Variants in SEMA5A observed in about 807,000 individuals in gnomAD.
The protein encoded by SEMA5A is semaphorin-5A.
Under a neutral mutation model 135.5 loss-of-function variants are expected in SEMA5A, and 55 were observed. The ratio of observed to expected loss-of-function variants is 0.41; its 90% CI spans 0.33 to 0.51. The LOEUF (loss-of-function observed/expected upper bound fraction) is 0.51. Ranked by LOEUF, SEMA5A falls within the 20% of genes least tolerant of loss-of-function variation. The probability of loss-of-function intolerance (pLI) is 0.37; values close to 1 mark genes in which losing one functional copy is unlikely to be tolerated. For synonymous variants in SEMA5A, 580 were observed against 546.5 expected, an observed-to-expected ratio of 1.06 and a Z score of -0.85; for missense variants, 1,290 against 1,419.9, an observed-to-expected ratio of 0.91 and a Z score of 1.47.
At chr5:9,371,651 A>G (rs1187683513) in intron 3 of SEMA5A, among the ~76,000 whole-genome samples, 2 of 152,242 alleles carry the variant, frequency 1.3e-5, no homozygotes, top group Admixed American at 6.5e-5. Flanking sequence ...CAAATAGATT[A>G]AAATATTTTG....
At chr5:9,234,755 T>G (rs1253202170) in intron 6 of SEMA5A, among the ~76,000 whole-genome samples, 1 of 152,220 alleles carries the variant, frequency 6.6e-6, no homozygotes, top group East Asian at 1.9e-4. Flanking sequence ...GATTTCCCAT[T>G]ATTTTTAATC....
At chr5:9,104,402 T>G (rs1357075492) in intron 16 of SEMA5A, among the ~76,000 whole-genome samples, 1 of 152,186 alleles carries the variant, frequency 6.6e-6, no homozygotes, top group Non-Finnish European at 1.5e-5. Context: ...TAACTTAATT[T>G]CAATATTTAA....
chr5:9,433,836 C>A (rs1480257686), intron 2 of SEMA5A, among the ~76,000 whole-genome samples: 1 of 152,084 alleles, frequency 6.6e-6, no homozygotes, highest in African/African-American at 2.4e-5. Context: ...GTATAAATAT[C>A]TACAATACTT....
chr5:9,214,635 G>T (rs2150394336), intron 8 of SEMA5A, among the ~76,000 whole-genome samples: 2 of 152,286 alleles, frequency 1.3e-5, no homozygotes, highest in African/African-American at 4.8e-5. Flanking sequence ...CCATGGAAAA[G>T]CCAGTATCAT....
chr5:9,384,074 C>T (rs1755725758), intron 2 of SEMA5A, among the ~76,000 whole-genome samples: 1 of 152,098 alleles, frequency 6.6e-6, no homozygotes, highest in Non-Finnish European at 1.5e-5. Context: ...CAACATAGTA[C>T]CTTTTTTCTT....
At chr5:9,144,750 T>A (rs537318547) in intron 12 of SEMA5A, among the ~76,000 whole-genome samples, 1 of 152,282 alleles carries the variant, frequency 6.6e-6, no homozygotes, top group African/African-American at 2.4e-5. Flanking sequence ...GGACAGATGC[T>A]CCCGCTGCTT....
In SEMA5A at chr5:9,040,670, A is replaced by C. The variant is rs1735910958; in HGVS notation, c.*2227T>G. 1 of 152,172 alleles carries C rather than the reference A, an allele frequency of 6.6e-6. No individual in the cohort carries two copies. The highest frequency in any genetic ancestry group is 2.1e-4 in the South Asian group (1 of 4,830). 9.4% of individuals were successfully genotyped at this position (152,172 alleles called of 1,614,324 possible). ...TGTTTATATTATTAACAACATGAAG[A>C]TCCTGTAGTGAGGGAGGGTGTTTTT... On this transcript the variant is annotated 3_prime_UTR_variant, in exon 23 of 23. Transcript: ENST00000382496.
At chr5:9,088,211 G>T (rs1349413782) in intron 16 of SEMA5A, among the ~76,000 whole-genome samples, 1 of 151,578 alleles carries the variant, frequency 6.6e-6, no homozygotes, top group Non-Finnish European at 1.5e-5. Flanking sequence ...GGCTGAGGCA[G>T]GAGAATCCCT....
At chr5:9,283,873 C>G (rs1475499748) in intron 5 of SEMA5A, among the ~76,000 whole-genome samples, 1 of 152,116 alleles carries the variant, frequency 6.6e-6, no homozygotes, top group Non-Finnish European at 1.5e-5. Context: ...AGTGACTGTT[C>G]CCAAACTTCA....
At chr5:9,425,646 G>A (rs1008002624) in intron 2 of SEMA5A, among the ~76,000 whole-genome samples, 1 of 152,152 alleles carries the variant, frequency 6.6e-6, no homozygotes, top group African/African-American at 2.4e-5. Flanking sequence ...TTTTCTGCAA[G>A]GAAATTACAC....
intron 4 of SEMA5A, among the ~76,000 whole-genome samples, chr5:9,330,286 A>G (rs1481486523): frequency 6.6e-6 from 1 of 151,648 alleles, no homozygotes; most frequent in African/African-American, 2.4e-5. Context: ...GCTACTCGGG[A>G]GGCTGAGGCA....
chr5:9,508,232 T>C (rs1047111030), intron 1 of SEMA5A, among the ~76,000 whole-genome samples: 8 of 152,142 alleles, frequency 5.3e-5, no homozygotes, highest in African/African-American at 1.9e-4. Flanking sequence ...GCACCTGTTC[T>C]ATGGATTGAG....
chr5:9,474,945 A>G (rs1183433430), intron 1 of SEMA5A, among the ~76,000 whole-genome samples: 1 of 151,944 alleles, frequency 6.6e-6, no homozygotes, highest in Admixed American at 6.6e-5. Flanking sequence ...GTTTGCTTTT[A>G]TTTACTTATT....
intron 16 of SEMA5A, among the ~76,000 whole-genome samples, chr5:9,073,679 A>G (rs1441206530): frequency 1.3e-5 from 2 of 152,138 alleles, no homozygotes; most frequent in South Asian, 2.1e-4. Flanking sequence ...TTACTCTCAT[A>G]CAATATGATT....
intron 2 of SEMA5A, among the ~76,000 whole-genome samples, chr5:9,427,648 T>C (rs942949904): frequency 6.6e-6 from 1 of 152,196 alleles, no homozygotes; most frequent in Admixed American, 6.5e-5. Context: ...GGCACAGTTA[T>C]AGCTTCAGGG....
rs1033270584 is a variant in SEMA5A, at chr5:9,355,128, C to T, written c.125-17316G>A. Among the ~76,000 whole-genome samples, 4 of 152,326 alleles carry T rather than the reference C, an allele frequency of 2.6e-5. No individual in the cohort carries two copies. The South Asian group carries it at 8.3e-4, about 32-fold the overall frequency. ...TATAGTCTCTGTCATAACTACTCAA[C>T]TCTGCCTTTGCCACCACAGACAAGA... is the stretch of plus-strand genomic sequence containing the variant. On this transcript the variant is annotated intron_variant, in intron 3 of 22. Coordinates refer to ENST00000382496, the MANE Select transcript of SEMA5A (RefSeq NM_003966.3).
intron 16 of SEMA5A, among the ~76,000 whole-genome samples, chr5:9,070,093 A>T (rs1479227511): frequency 6.6e-6 from 1 of 152,182 alleles, no homozygotes; most frequent in African/African-American, 2.4e-5. Context: ...CAGCTCGGCC[A>T]TGCGTGGTGG....
intron 5 of SEMA5A, among the ~76,000 whole-genome samples, chr5:9,241,699 G>A (rs188436919): frequency 5.3e-5 from 8 of 152,164 alleles, no homozygotes; most frequent in Admixed American, 2.0e-4. Flanking sequence ...GACATACTAC[G>A]GTTAGGATAA....
At chr5:9,200,213 G>A (rs879852135) in intron 9 of SEMA5A, among the ~76,000 whole-genome samples, 10 of 152,172 alleles carry the variant, frequency 6.6e-5, no homozygotes, top group African/African-American at 1.4e-4. Flanking sequence ...TATAGATTCC[G>A]TACATTGGGT....
Sources: gnomAD v4.1 joint callset for allele counts (sites outside exome capture counted in the v4.1 genomes callset) on GRCh38, gnomAD v4.1.1 for gene constraint, MANE v1.5 for transcripts, NCBI Gene and HGNC (gene_info 2026-07-23, HGNC 2026-07-21) for gene names.